Variants in HSPA12B observed in about 807,000 individuals in gnomAD.
HSPA12B encodes heat shock protein family A (Hsp70) member 12B.
Under a neutral mutation model 69.3 loss-of-function variants are expected in HSPA12B, and 54 were observed. The ratio of observed to expected loss-of-function variants is 0.78; its 90% CI spans 0.63 to 0.98. The LOEUF is 0.98. Ranked by LOEUF, HSPA12B falls within the 50% of genes least tolerant of loss-of-function variation. The probability of loss-of-function intolerance (pLI) is 0.00; values close to 1 mark genes in which losing one functional copy is unlikely to be tolerated. For synonymous variants in HSPA12B, 441 were observed against 436.5 expected (o/e 1.01, Z -0.13); for missense variants, 929 against 999.8 (o/e 0.93, Z 0.96).
chr20:3,745,098 A>C lies in HSPA12B; in HGVS notation c.453+10A>C. On this transcript the variant is annotated intron_variant, in intron 5 of 12. Coordinates refer to ENST00000254963, the MANE Select transcript of HSPA12B (RefSeq NM_052970.5). This position sits in a 1 kb window ranked among gnomAD's most constrained non-coding sequence, Gnocchi z 5.6. ...GATCCACAGCGCCACGGTGAGTCAC[A>C]GGGCTCCAGACAGGGAGGCGGGGCC... The C allele has an allele frequency of 3.5e-6, 5 of 1,410,854 alleles. No homozygotes were observed. Among genetic ancestry groups the C allele is most frequent in the Non-Finnish European group, 3.8e-6 (4 of 1,046,348 alleles). 87.4% of individuals were successfully genotyped at this position (1,410,854 alleles called of 1,614,324 possible).
At position 3,751,996 on chromosome 20, in the gene HSPA12B, A is replaced by G. The variant is rs2088434687; in HGVS notation, c.1891A>G (p.Ser631Gly). 6.4e-7 allele frequency: 1 copy of G among 1,568,744 alleles called. No individual in the cohort carries two copies. Among genetic ancestry groups the G allele is most frequent in the East Asian group, 2.3e-5 (1 of 42,694 alleles). The stretch of plus-strand genomic sequence containing the variant: ...CGGCGTGCGCAAATGCGGCGCGCTC[A>G]GCCTCGAGCTTGAGCCCGCCGACTG... ...DPGVRKCGALSLELEPADCGQ... is the reference protein window; with the variant it reads ...DPGVRKCGALGLELEPADCGQ... The change falls in exon 13 of 13, where the codon AGC (serine) becomes GGC (glycine). Residue 631 changes from serine (S) to glycine (G), a missense_variant. Around this residue, in one of 3 missense-constraint regions of HSPA12B, gnomAD observed 448 missense variants for 448.1 expected, o/e 1.00. Transcript: ENST00000254963.
chr20:3,738,601 G>A, intron 1 of HSPA12B, 57 bp from the exon 2 acceptor site: 1 of 1,505,916 alleles, frequency 6.6e-7, no homozygotes, highest in Non-Finnish European at 9.2e-7. Flanking sequence ...TAAGCATTCA[G>A]ATGAGGGAAC....
chr20:3,750,246 G>A lies in HSPA12B; in HGVS notation c.1301+19G>A, dbSNP rs2088390724. On this transcript the variant is annotated intron_variant, in intron 11 of 12. Transcript: ENST00000254963. ...GGAGCAGGTGGGTCCTGAGCCCGCGGGCTCAGGCAGGGTTTGCCGACCCGG... is the reference window on the plus strand; with the variant it reads ...GGAGCAGGTGGGTCCTGAGCCCGCGAGCTCAGGCAGGGTTTGCCGACCCGG... 1 of 1,570,030 alleles carries A rather than the reference G, an allele frequency of 6.4e-7. No homozygotes were observed. The highest frequency in any genetic ancestry group is 1.8e-5 in the Admixed American group (1 of 55,978).
intron 3 of HSPA12B, among the ~76,000 whole-genome samples, chr20:3,741,316 A>G (rs924897400): frequency 1.3e-5 from 2 of 151,768 alleles, no homozygotes; most frequent in African/African-American, 4.8e-5. Context: ...TGTTGCCAAA[A>G]AAAAAAAAAA....
In HSPA12B at chr20:3,749,251, G is replaced by T. The variant is rs1206967956; in HGVS notation, c.870G>T (p.Arg290Ser). Reference sequence around the variant, plus strand: ...CCCCAGCTCGGGAGCAGCTGCGAAGGTCCCGCCACAGCCGCACGTTCCTGG... The same window carrying T: ...CCCCAGCTCGGGAGCAGCTGCGAAGTTCCCGCCACAGCCGCACGTTCCTGG... ...SFRQAREQLR[R>S]SRHSRTFLVE... Residue 290 changes from arginine (R) to serine (S), a missense_variant, in exon 9 of 13, where the codon AGG becomes AGT. This residue lies in a region of HSPA12B where 477 missense variants were observed against 535.2 expected (regional missense o/e 0.89). Coordinates refer to ENST00000254963, the MANE Select transcript of HSPA12B (RefSeq NM_052970.5). This position sits in a 1 kb window ranked among gnomAD's most constrained non-coding sequence, Gnocchi z 5.5. 3.7e-6 allele frequency: 6 copies of T among 1,613,056 alleles called. No homozygotes were observed. Among genetic ancestry groups the T allele is most frequent in the Non-Finnish European group, 5.1e-6 (6 of 1,179,686 alleles).
In HSPA12B at chr20:3,742,720, C is replaced by T. The variant is rs371864337; in HGVS notation, c.266+312C>T. ...ATTTTCCTTTTTTTTTTTTTTGAGG[C>T]GGAGTCTCACTCTGTCGCCTAGGCT... On this transcript the variant is annotated intron_variant, in intron 4 of 12. Coordinates refer to ENST00000254963, the MANE Select transcript of HSPA12B (RefSeq NM_052970.5). Among the ~76,000 whole-genome samples the T allele has an allele frequency of 6.9e-5, 10 of 145,214 alleles. No homozygotes were observed. The East Asian group carries it at 1.8e-3, about 26-fold the overall frequency.
chr20:3,751,018 GACCTAGAATC>G (rs1404530343), intron 12 of HSPA12B, 111 bp downstream of exon 12: 6 of 960,754 alleles, frequency 6.2e-6, no homozygotes, highest in Middle Eastern at 2.1e-4. Context: ...ACTGTGATGA[GACCTAGAATC>G]ATCTAGAACA....
chr20:3,746,447 T>G (rs965979863), intron 7 of HSPA12B, among the ~76,000 whole-genome samples: 3 of 151,440 alleles, frequency 2.0e-5, no homozygotes, highest in Admixed American at 6.6e-5. Flanking sequence ...GGACTACAGG[T>G]GCCCGCCACC....
chr20:3,734,860 G>A (rs897656659), intron 1 of HSPA12B, among the ~76,000 whole-genome samples: 3 of 151,080 alleles, frequency 2.0e-5, no homozygotes, highest in East Asian at 1.9e-4. Context: ...CCACCTCAGC[G>A]TCCAAAGTGG....
rs920311014 is a variant in HSPA12B, at chr20:3,752,769, G to A, written c.*603G>A. Reference sequence around the variant, plus strand: ...GGCAGTAGATCTCTAATGTGGAGGTGGGAACATTATTGTGGTGGAGGCAAT... The same window carrying A: ...GGCAGTAGATCTCTAATGTGGAGGTAGGAACATTATTGTGGTGGAGGCAAT... On this transcript the variant is annotated 3_prime_UTR_variant, in exon 13 of 13. Coordinates refer to ENST00000254963, the MANE Select transcript of HSPA12B (RefSeq NM_052970.5). The A allele has an allele frequency of 6.5e-6, 1 of 153,800 alleles. No individual in the cohort carries two copies. The highest frequency in any genetic ancestry group is 1.5e-5 in the Non-Finnish European group (1 of 68,110). The allele number at this position is 153,800 out of a possible 1,614,324, so 9.5% of individuals were successfully genotyped here. A position where few individuals can be genotyped will look rare whatever the true frequency, so the allele number is the denominator to read the frequency against.
Position 3,749,408 on chromosome 20 carries a change from T to C in HSPA12B, c.937+90T>C. On this transcript the variant is annotated intron_variant, in intron 9 of 12. Coordinates refer to ENST00000254963, the MANE Select transcript of HSPA12B (RefSeq NM_052970.5). This position sits in a 1 kb window ranked among gnomAD's most constrained non-coding sequence, Gnocchi z 5.5. ...GAAGGGCATGTTTGCAAAGCCCGTC[T>C]CTTCCTCCTCCATTCGCTGTACCCA... The C allele has an allele frequency of 8.4e-7, 1 of 1,192,316 alleles. No homozygotes were observed. Among genetic ancestry groups the C allele is most frequent in the Non-Finnish European group, 1.2e-6 (1 of 828,192 alleles). 73.9% of individuals were successfully genotyped at this position (1,192,316 alleles called of 1,614,324 possible).
rs766367065 is a variant in HSPA12B at position 3,745,088 on chromosome 20, G to T, written c.453G>T (p.Thr151=). 6.2e-7 allele frequency: 1 copy of T among 1,612,958 alleles called. No individual in the cohort carries two copies. Among genetic ancestry groups the T allele is most frequent in the South Asian group, 1.1e-5 (1 of 91,028 alleles). Residue 151 remains threonine, a splice_region_variant and synonymous_variant, in exon 5 of 13, where the codon ACG becomes ACT. Coordinates refer to ENST00000254963, the MANE Select transcript of HSPA12B (RefSeq NM_052970.5). This position sits in a 1 kb window ranked among gnomAD's most constrained non-coding sequence, Gnocchi z 5.6. ...EKFKMKIHSA[T]DLTLKTQLEA... is the part of the protein sequence containing the mutation. ...TCAAGATGAAGATCCACAGCGCCAC[G>T]GTGAGTCACAGGGCTCCAGACAGGG...
chr20:3,750,215 T>G lies in HSPA12B; in HGVS notation c.1289T>G (p.Leu430Arg), dbSNP rs751082743. Reference protein sequence around the residue: ...KQRGHNVETALRRSSVNFVKW... With the variant: ...KQRGHNVETARRRSSVNFVKW... ...CGGGGCCACAACGTGGAGACCGCTCTGCGCAGGAGCAGGTGGGTCCTGAGC... is the reference window on the plus strand; with the variant it reads ...CGGGGCCACAACGTGGAGACCGCTCGGCGCAGGAGCAGGTGGGTCCTGAGC... Residue 430 changes from leucine (L) to arginine (R), a missense_variant, in exon 11 of 13, where the codon CTG becomes CGG. By Grantham distance (102) the Leu-to-Arg change is moderately radical. This residue lies in a region of HSPA12B where 448 missense variants were observed against 448.1 expected (regional missense o/e 1.00). Coordinates refer to ENST00000254963, the MANE Select transcript of HSPA12B (RefSeq NM_052970.5). 1.6e-5 allele frequency: 26 copies of G among 1,602,078 alleles called. No homozygotes were observed. Among genetic ancestry groups the G allele is most frequent in the Non-Finnish European group, 2.0e-5 (24 of 1,171,990 alleles).
chr20:3,749,328 A>G lies in HSPA12B; in HGVS notation c.937+10A>G, dbSNP rs2088366213. ...GCAGAGATGCAAGCAGGTAGGGGGA[A>G]AGGGGGACGGAGTGTTATCCTTGGC... On this transcript the variant is annotated intron_variant, in intron 9 of 12. Coordinates refer to ENST00000254963, the MANE Select transcript of HSPA12B (RefSeq NM_052970.5). The surrounding 1 kb of genome is among the most constrained non-coding windows in gnomAD (Gnocchi z 5.5). 8.7e-6 allele frequency: 14 copies of G among 1,611,224 alleles called. No homozygotes were observed. Among genetic ancestry groups the G allele is most frequent in the Non-Finnish European group, 1.1e-5 (13 of 1,178,198 alleles).
chr20:3,739,634 C>T (rs1250577641), intron 2 of HSPA12B, among the ~76,000 whole-genome samples: 5 of 152,196 alleles, frequency 3.3e-5, no homozygotes, highest in Non-Finnish European at 5.9e-5. Flanking sequence ...AATGTGGCCA[C>T]TTTTTCCCTG....
chr20:3,751,179 G>C (rs2088413501), intron 12 of HSPA12B: 1 of 894,032 alleles, frequency 1.1e-6, no homozygotes, highest in Non-Finnish European at 1.3e-6. Flanking sequence ...TTATCACAGG[G>C]ATAAAATGAG....
At chr20:3,750,947 A>C (rs748701149) in intron 12 of HSPA12B, 40 bp downstream of exon 12, 14 of 1,534,654 alleles carry the variant, frequency 9.1e-6, no homozygotes, top group Admixed American at 5.0e-5. Flanking sequence ...CCCCTACATG[A>C]ACAAACAGAT....
Position 3,737,865 on chromosome 20 carries a change from T to C in HSPA12B, c.-17-793T>C, listed in dbSNP as rs1039992953. ...TAAAAATACAAAAATTAGCTGGGCA[T>C]GGAGGCACTCACCTGTAATCCCAGC... is the stretch of plus-strand genomic sequence containing the variant. On this transcript the variant is annotated intron_variant, in intron 1 of 12. Coordinates refer to ENST00000254963, the MANE Select transcript of HSPA12B (RefSeq NM_052970.5). The surrounding 1 kb of genome is among the most constrained non-coding windows in gnomAD (Gnocchi z 4.1). Among the ~76,000 whole-genome samples the C allele has an allele frequency of 6.6e-6, 1 of 152,158 alleles. No homozygotes were observed. Among genetic ancestry groups the C allele is most frequent in the African/African-American group, 2.4e-5 (1 of 41,428 alleles).
At position 3,750,201 on chromosome 20, in the gene HSPA12B, C is replaced by T. The variant is rs776009719; in HGVS notation, c.1275C>T (p.Asn425=). The T allele has an allele frequency of 6.8e-6, 11 of 1,607,874 alleles. No individual in the cohort carries two copies. The Admixed American group carries it at 1.8e-4, about 27-fold the overall frequency. ...TCTACCGCAAGCAGCGGGGCCACAACGTGGAGACCGCTCTGCGCAGGAGCA... is the reference window on the plus strand; with the variant it reads ...TCTACCGCAAGCAGCGGGGCCACAATGTGGAGACCGCTCTGCGCAGGAGCA... The part of the protein sequence containing the change: ...IDFYRKQRGH[N]VETALRRSSV... Residue 425 remains asparagine (N), a synonymous_variant, in exon 11 of 13, where the codon AAC becomes AAT. Transcript: ENST00000254963.
Sources: allele counts gnomAD v4.1 joint callset (sites outside exome capture counted in the v4.1 genomes callset), GRCh38; gene constraint gnomAD v4.1.1; regional missense constraint gnomAD v4.1.1; non-coding constraint Gnocchi (gnomAD v3.1); transcripts MANE v1.5; gene names NCBI Gene and HGNC (gene_info 2026-07-23, HGNC 2026-07-21).